Variants in RELN observed in about 807,000 individuals in gnomAD.
The protein encoded by RELN is reelin.
In RELN, 108 loss-of-function variants were observed where a neutral mutation model predicts 427.6. The ratio of observed to expected loss-of-function variants is 0.25; its 90% confidence interval spans 0.22 to 0.30. The LOEUF is 0.30. Ranked by LOEUF, RELN falls within the 10% of genes least tolerant of loss-of-function variation. RELN has a pLI of 1.00. For synonymous variants in RELN, 1,524 were observed against 1,513.4 expected (o/e 1.01, Z -0.16); for missense variants, 3,715 against 4,302.8 (o/e 0.86, Z 3.82).
intron 1 of RELN, among the ~76,000 whole-genome samples, chr7:103,940,531 G>A (rs968711125): frequency 6.6e-5 from 10 of 152,084 alleles, no homozygotes; most frequent in East Asian, 1.9e-4. Flanking sequence ...CCTGTCTTGC[G>A]ACTATCTCTG....
At chr7:103,961,350 CAAATA>C in intron 1 of RELN, among the ~76,000 whole-genome samples, 1 of 152,256 alleles carries the variant, frequency 6.6e-6, no homozygotes, top group South Asian at 2.1e-4. Flanking sequence ...ACCTACAGAG[CAAATA>C]AACTGAAGCT....
chr7:103,720,179 G>A (rs924430616), intron 8 of RELN, among the ~76,000 whole-genome samples: 4 of 118,564 alleles, frequency 3.4e-5, no homozygotes, highest in African/African-American at 6.2e-5. Context: ...AACATTGTGT[G>A]TGTGTGTGTG....
chr7:103,987,461 G>T (rs207468351), intron 1 of RELN, among the ~76,000 whole-genome samples: 2 of 152,108 alleles, frequency 1.3e-5, no homozygotes, highest in Admixed American at 6.5e-5. Flanking sequence ...TTTCAATATC[G>T]AGACCTTCCA....
intron 63 of RELN, among the ~76,000 whole-genome samples, chr7:103,481,205 GTGA>G (rs1241615652): frequency 1.3e-5 from 2 of 152,178 alleles, no homozygotes; most frequent in African/African-American, 2.4e-5. Flanking sequence ...GAAATTACTG[GTGA>G]TGATATGTCT....
intron 12 of RELN, among the ~76,000 whole-genome samples, chr7:103,656,266 T>C (rs1297992351): frequency 5.3e-5 from 8 of 152,152 alleles, no homozygotes; most frequent in African/African-American, 1.9e-4. Context: ...CAAATATTCC[T>C]AACTAAATTG....
intron 1 of RELN, among the ~76,000 whole-genome samples, chr7:103,958,990 C>A (rs1165368843): frequency 6.6e-6 from 1 of 152,146 alleles, no homozygotes; most frequent in East Asian, 1.9e-4. Flanking sequence ...CAGTCTCACT[C>A]GAGTTCAGTT....
At chr7:103,547,843 T>C (rs1026655638) in intron 41 of RELN, among the ~76,000 whole-genome samples, 5 of 152,226 alleles carry the variant, frequency 3.3e-5, no homozygotes, top group Admixed American at 2.6e-4. Flanking sequence ...TATTTATTAT[T>C]GTTCACTTGC....
chr7:103,989,542 C>T lies in RELN; in HGVS notation c.-186G>A. 1 of 488,760 alleles carries T rather than the reference C, an allele frequency of 2.0e-6. No individual in the cohort carries two copies. The highest frequency in any genetic ancestry group is 3.3e-6 in the Non-Finnish European group (1 of 302,338). 30.3% of individuals were successfully genotyped at this position (488,760 alleles called of 1,614,324 possible). On this transcript the variant is annotated 5_prime_UTR_variant, in exon 1 of 65. Coordinates refer to ENST00000428762, the MANE Select transcript of RELN (RefSeq NM_005045.4). This position sits in a 1 kb window ranked among gnomAD's most constrained non-coding sequence, Gnocchi z 4.9. ...AAGTTCCGCGGGAGACGGCGGCTCC[C>T]AAAGTTACTTTGGGCCGCGGGAGCG...
intron 2 of RELN, among the ~76,000 whole-genome samples, chr7:103,856,406 C>T (rs1793945086): frequency 6.6e-6 from 1 of 151,416 alleles, no homozygotes; most frequent in South Asian, 2.1e-4. Context: ...TCCATCCCTA[C>T]TAAATACAAA....
At chr7:103,517,358 A>G (rs2117080965) in intron 49 of RELN, among the ~76,000 whole-genome samples, 1 of 151,982 alleles carries the variant, frequency 6.6e-6, no homozygotes, top group African/African-American at 2.4e-5. Flanking sequence ...ATTAGTTTTT[A>G]TTTTCTCTGA....
intron 38 of RELN, among the ~76,000 whole-genome samples, chr7:103,556,367 T>A (rs982613979): frequency 2.0e-5 from 3 of 152,002 alleles, no homozygotes; most frequent in Admixed American, 6.6e-5. Flanking sequence ...GTAACAGAAT[T>A]CAGCTATATT....
At chr7:103,881,013 G>C (rs540662218) in intron 2 of RELN, among the ~76,000 whole-genome samples, 55 of 152,228 alleles carry the variant, frequency 3.6e-4, no homozygotes, top group Non-Finnish European at 6.3e-4. Context: ...CCATTTATCA[G>C]TTACTATTAA....
intron 22 of RELN, among the ~76,000 whole-genome samples, chr7:103,607,562 G>T (rs1831848850): frequency 6.6e-6 from 1 of 152,260 alleles, no homozygotes; most frequent in East Asian, 1.9e-4. Flanking sequence ...ACTGTTGTGT[G>T]GGTCATGAAA....
At chr7:103,681,650 C>A (rs1353547175) in intron 11 of RELN, among the ~76,000 whole-genome samples, 1 of 152,102 alleles carries the variant, frequency 6.6e-6, no homozygotes, top group African/African-American at 2.4e-5. Flanking sequence ...ACCTCAGTCC[C>A]AAATTCCCCC....
At chr7:103,499,117 C>T (rs1828937177) in intron 53 of RELN, among the ~76,000 whole-genome samples, 3 of 152,082 alleles carry the variant, frequency 2.0e-5, no homozygotes, top group Admixed American at 6.6e-5. Flanking sequence ...AACCAAATCT[C>T]TCTATATAAG....
intron 46 of RELN, among the ~76,000 whole-genome samples, chr7:103,533,339 T>A (rs1056798361): frequency 6.6e-6 from 1 of 152,214 alleles, no homozygotes; most frequent in African/African-American, 2.4e-5. Flanking sequence ...CGTTTCCAGA[T>A]AACAGAGACA....
At chr7:103,843,914 C>A (rs12538149) in intron 2 of RELN, among the ~76,000 whole-genome samples, 1 of 151,982 alleles carries the variant, frequency 6.6e-6, no homozygotes, top group South Asian at 2.1e-4. Context: ...CATACTCTCC[C>A]TCCCTGCTTA....
chr7:103,938,616 T>A (rs907269606), intron 1 of RELN, among the ~76,000 whole-genome samples: 8 of 152,234 alleles, frequency 5.3e-5, no homozygotes, highest in African/African-American at 1.7e-4. Flanking sequence ...TATCTAATTA[T>A]GTTGTGTTTC....
chr7:103,988,117 G>T lies in RELN; in HGVS notation c.226+1014C>A, dbSNP rs1353752167. On this transcript the variant is annotated intron_variant, in intron 1 of 64. Coordinates refer to ENST00000428762, the MANE Select transcript of RELN (RefSeq NM_005045.4). This position sits in a 1 kb window ranked among gnomAD's most constrained non-coding sequence, Gnocchi z 4.9. ...CTGGACAATGGTTTCTATTTGGTTG[G>T]GTATAAATATTTTGGGGTTGAAATT... Among the ~76,000 whole-genome samples, 3 of 152,050 alleles carry T rather than the reference G, an allele frequency of 2.0e-5. No individual in the cohort carries two copies. The highest frequency in any genetic ancestry group is 7.2e-5 in the African/African-American group (3 of 41,394).
Sources: allele counts gnomAD v4.1 joint callset (sites outside exome capture counted in the v4.1 genomes callset), GRCh38; gene constraint gnomAD v4.1.1; non-coding constraint Gnocchi (gnomAD v3.1); transcripts MANE v1.5; gene names NCBI Gene and HGNC (gene_info 2026-07-23, HGNC 2026-07-21).